SYN2: variants seen among roughly 807,000 people sequenced by gnomAD.
The protein encoded by SYN2 is synapsin II, also known as synapsin-2.
A neutral mutation model predicts 50.9 loss-of-function variants in SYN2; 19 were observed. The observed-to-expected ratio is 0.37, with a 90% CI of 0.26 to 0.55. SYN2 has a LOEUF of 0.55. Among genes scored for constraint, SYN2 ranks in the 20% least tolerant of loss-of-function variants. SYN2 has a pLI of 0.81. For missense variants in SYN2, 587 were observed against 576.4 expected (o/e 1.02, Z -0.19); for synonymous variants, 255 against 224.9 (o/e 1.13, Z -1.20).
At chr3:12,098,785 T>C (rs2125187422) in intron 1 of SYN2, among the ~76,000 whole-genome samples, 1 of 150,282 alleles carries the variant, frequency 6.7e-6, no homozygotes, top group South Asian at 2.1e-4. Flanking sequence ...AAGAACATGA[T>C]TCAACTATAT....
intron 1 of SYN2, among the ~76,000 whole-genome samples, chr3:12,075,116 A>T (rs1439632911): frequency 6.6e-6 from 1 of 152,150 alleles, no homozygotes; most frequent in Non-Finnish European, 1.5e-5. Flanking sequence ...CAATGTGAAT[A>T]TTAGTGGTTT....
intron 1 of SYN2, among the ~76,000 whole-genome samples, chr3:12,037,032 T>C (rs1694513575): frequency 6.6e-6 from 1 of 152,262 alleles, no homozygotes; most frequent in Non-Finnish European, 1.5e-5. Context: ...CACTAAGTTC[T>C]TTGCAACTGT....
intron 1 of SYN2, among the ~76,000 whole-genome samples, chr3:12,099,497 A>G (rs1398181833): frequency 6.6e-6 from 1 of 152,204 alleles, no homozygotes; most frequent in Admixed American, 6.5e-5. Context: ...ATACTCTGAA[A>G]TTAATGAAAA....
intron 11 of SYN2, 119 bp downstream of exon 11, chr3:12,183,491 CGAAAG>C: frequency 3.1e-6 from 5 of 1,600,626 alleles, no homozygotes; most frequent in South Asian, 1.1e-5. Flanking sequence ...CAAAAACAAA[CGAAAG>C]GAAAGCGGGG....
At chr3:12,048,258 A>G (rs554081655) in intron 1 of SYN2, among the ~76,000 whole-genome samples, 2 of 152,196 alleles carry the variant, frequency 1.3e-5, no homozygotes, top group East Asian at 1.9e-4. Flanking sequence ...CACTGCAGCC[A>G]TCGGACTCAA....
At position 12,019,874 on chromosome 3, in the gene SYN2, C is replaced by A. The variant is rs1694095022; in HGVS notation, c.377+14946C>A. On this transcript the variant is annotated intron_variant, in intron 1 of 12. Transcript: ENST00000621198. Reference sequence around the variant, plus strand: ...ACCGAAATAAAGCTGTGTCTAAAATCAATACTCTTCTCACTCTGTACCCTT... The same window carrying A: ...ACCGAAATAAAGCTGTGTCTAAAATAAATACTCTTCTCACTCTGTACCCTT... Among the ~76,000 whole-genome samples the A allele has an allele frequency of 2.0e-5, 3 of 152,146 alleles. No individual in the cohort carries two copies. The South Asian group carries it at 6.2e-4, about 32-fold the overall frequency.
Position 12,142,606 on chromosome 3 carries a change from T to C in SYN2, c.527+610T>C, listed in dbSNP as rs150033500. On this transcript the variant is annotated intron_variant, in intron 3 of 12. Coordinates refer to ENST00000621198, the MANE Select transcript of SYN2 (RefSeq NM_133625.6). Reference sequence around the variant, plus strand: ...AGCACTTACATGCCAGGTGGTATGCTCGATGCCTCATAGATGTGATGTTGT... The same window carrying C: ...AGCACTTACATGCCAGGTGGTATGCCCGATGCCTCATAGATGTGATGTTGT... Among the ~76,000 whole-genome samples the C allele has an allele frequency of 3.9e-5, 6 of 152,276 alleles. No individual in the cohort carries two copies. The East Asian group carries it at 9.7e-4, about 25-fold the overall frequency.
chr3:12,107,662 G>A (rs1696223854), intron 1 of SYN2, among the ~76,000 whole-genome samples: 1 of 152,168 alleles, frequency 6.6e-6, no homozygotes, highest in Admixed American at 6.5e-5. Flanking sequence ...CTAGCACTTT[G>A]GGAAGTGAAG....
chr3:12,157,627 G>C, intron 5 of SYN2: 1 of 704,784 alleles, frequency 1.4e-6, no homozygotes, highest in East Asian at 2.7e-5. Flanking sequence ...TGATGTGTGA[G>C]AAGGGGGACC....
intron 1 of SYN2, among the ~76,000 whole-genome samples, chr3:12,116,585 A>C (rs567716100): frequency 6.6e-6 from 1 of 152,220 alleles, no homozygotes; most frequent in South Asian, 2.1e-4. Context: ...ATGGGATCCA[A>C]AGTAAGCTTT....
chr3:12,119,278 C>T (rs1481994468), intron 1 of SYN2, among the ~76,000 whole-genome samples: 1 of 151,920 alleles, frequency 6.6e-6, no homozygotes, highest in African/African-American at 2.4e-5. Context: ...GCTAGTGCTG[C>T]CTGAACTATG....
intron 1 of SYN2, among the ~76,000 whole-genome samples, chr3:12,077,203 C>G (rs905189826): frequency 3.3e-5 from 5 of 151,942 alleles, no homozygotes; most frequent in Non-Finnish European, 5.9e-5. Context: ...GTATCAGTGA[C>G]CCAATTAAGA....
chr3:12,087,152 C>T (rs533800835), intron 1 of SYN2, among the ~76,000 whole-genome samples: 2 of 151,968 alleles, frequency 1.3e-5, no homozygotes, highest in South Asian at 4.2e-4. Context: ...GTAAATTTAA[C>T]CAAAGAGGTG....
chr3:12,075,849 A>G (rs1171443313), intron 1 of SYN2, among the ~76,000 whole-genome samples: 1 of 152,166 alleles, frequency 6.6e-6, no homozygotes, highest in Non-Finnish European at 1.5e-5. Context: ...GGATTTTTAA[A>G]ACAATGAATT....
Position 12,045,221 on chromosome 3 carries a change from GT to G in SYN2, c.377+40302del, listed in dbSNP as rs957325840. ...GGTTTACTGCATTTAGTATTTTGGT[GT>G]TTTTTTTTAAACTTCAGCAACTGCT... On this transcript the variant is annotated intron_variant, in intron 1 of 12. Transcript: ENST00000621198. 5.4e-4 allele frequency among the ~76,000 whole-genome samples: 82 copies of G among 151,496 alleles called. 1 individual carries two copies. The highest frequency in any genetic ancestry group is 1.7e-3 in the African/African-American group (70 of 41,310).
chr3:12,126,617 C>G (rs941959093), intron 1 of SYN2, among the ~76,000 whole-genome samples: 11 of 152,194 alleles, frequency 7.2e-5, no homozygotes, highest in African/African-American at 2.4e-4. Context: ...TTAATCTGCT[C>G]TGGAGTCAGT....
intron 1 of SYN2, among the ~76,000 whole-genome samples, chr3:12,049,782 C>G (rs1469318054): frequency 6.6e-6 from 1 of 152,138 alleles, no homozygotes; most frequent in Non-Finnish European, 1.5e-5. Flanking sequence ...TGTGCCACAT[C>G]TGCCTGGGTG....
chr3:12,187,310 C>G (rs1006673204), intron 11 of SYN2, 59 bp from the exon 12 acceptor site: 25 of 1,470,980 alleles, frequency 1.7e-5, no homozygotes, highest in East Asian at 2.5e-5. Context: ...GGCATAAATT[C>G]TAATAAGGAA....
chr3:12,055,348 G>A (rs1010059404), intron 1 of SYN2, among the ~76,000 whole-genome samples: 3 of 152,080 alleles, frequency 2.0e-5, no homozygotes, highest in Non-Finnish European at 4.4e-5. Context: ...TTTAAGAGAT[G>A]CAGCAAAGGC....
Sources: gnomAD v4.1 joint callset for allele counts (sites outside exome capture counted in the v4.1 genomes callset) on GRCh38, gnomAD v4.1.1 for gene constraint, MANE v1.5 for transcripts, NCBI Gene and HGNC (gene_info 2026-07-23, HGNC 2026-07-21) for gene names.